Variants in RBFOX1 observed in about 807,000 individuals in gnomAD.
RBFOX1 encodes the protein RNA binding protein fox-1 homolog 1.
Under a neutral mutation model 57.7 loss-of-function variants are expected in RBFOX1, and 8 were observed. The observed-to-expected ratio is 0.14, with a 90% CI of 0.08 to 0.25. The LOEUF (loss-of-function observed/expected upper bound fraction) is 0.25, where lower values mean the gene tolerates loss of function less well. Ranked by LOEUF, RBFOX1 falls within the 10% of genes least tolerant of loss-of-function variation. The pLI, the probability that RBFOX1 is intolerant of heterozygous loss-of-function variation, is 1.00. For missense variants in RBFOX1, 611 were observed against 548.5 expected (o/e 1.11, Z -1.14); for synonymous variants, 326 against 222.4 (o/e 1.47, Z -4.15).
intron 1 of RBFOX1, among the ~76,000 whole-genome samples, chr16:5,360,235 C>G (rs2065506806): frequency 6.6e-6 from 1 of 152,206 alleles, no homozygotes; most frequent in South Asian, 2.1e-4. Context: ...CTGTGTGCTG[C>G]TGACATGTTG....
At chr16:7,546,118 G>T (rs534239015) in intron 5 of RBFOX1, among the ~76,000 whole-genome samples, 1 of 152,002 alleles carries the variant, frequency 6.6e-6, no homozygotes, top group African/African-American at 2.4e-5. Context: ...CCTGAGGTCA[G>T]GAGTTCGAGA....
chr16:5,856,511 C>T (rs1450398175), intron 3 of RBFOX1, among the ~76,000 whole-genome samples: 1 of 125,612 alleles, frequency 8.0e-6, no homozygotes, highest in Non-Finnish European at 1.6e-5. Flanking sequence ...TGCATTTTGA[C>T]CAACATCTCT....
intron 3 of RBFOX1, among the ~76,000 whole-genome samples, chr16:6,740,693 A>G (rs1044693020): frequency 2.0e-5 from 3 of 152,226 alleles, no homozygotes; most frequent in African/African-American, 7.2e-5. Context: ...TATGCTGAAA[A>G]TTATCAAATG....
intron 4 of RBFOX1, among the ~76,000 whole-genome samples, chr16:7,084,313 TTA>T (rs112242489): frequency 3.9e-4 from 59 of 152,020 alleles, no homozygotes; most frequent in African/African-American, 1.3e-3. Context: ...ACACACACAC[TTA>T]TATGTGAGGG....
chr16:5,763,394 G>C (rs1316838293), intron 3 of RBFOX1, among the ~76,000 whole-genome samples: 2 of 152,226 alleles, frequency 1.3e-5, no homozygotes, highest in Non-Finnish European at 2.9e-5. Flanking sequence ...ATGCAAACGT[G>C]TGTCCTCGGG....
intron 3 of RBFOX1, among the ~76,000 whole-genome samples, chr16:6,909,353 C>T (rs1394280069): frequency 6.6e-6 from 1 of 152,172 alleles, no homozygotes; most frequent in African/African-American, 2.4e-5. Context: ...TTTGTGATTA[C>T]TTTGGGTCCA....
At chr16:6,666,334 A>T (rs1180108856) in intron 3 of RBFOX1, among the ~76,000 whole-genome samples, 1 of 151,990 alleles carries the variant, frequency 6.6e-6, no homozygotes, top group East Asian at 1.9e-4. Context: ...AGGAGTTTGA[A>T]ACCAGCCTGG....
At chr16:7,298,845 G>A (rs1166408792) in intron 4 of RBFOX1, among the ~76,000 whole-genome samples, 1 of 152,178 alleles carries the variant, frequency 6.6e-6, no homozygotes, top group African/African-American at 2.4e-5. Context: ...AGGCTGAGGA[G>A]GAGGAGGAGG....
intron 4 of RBFOX1, among the ~76,000 whole-genome samples, chr16:7,435,611 G>GA (rs2098715410): frequency 6.6e-6 from 1 of 152,182 alleles, no homozygotes; most frequent in African/African-American, 2.4e-5. Context: ...CCATCAGGTG[G>GA]AAAATGCAAG....
intron 3 of RBFOX1, among the ~76,000 whole-genome samples, chr16:6,948,223 G>A (rs1301158209): frequency 6.6e-6 from 1 of 151,888 alleles, no homozygotes; most frequent in African/African-American, 2.4e-5. Flanking sequence ...CTTGAGCTGA[G>A]GCATTCAAGA....
In RBFOX1 at chr16:6,803,743, C is replaced by T. The variant is rs558086530; in HGVS notation, c.-16+149093C>T. Reference sequence around the variant, plus strand: ...TGGCTTATCTTGCTTAAGAGTAATTCTGAGAATCTATTACTTGTGAGAGAA... The same window carrying T: ...TGGCTTATCTTGCTTAAGAGTAATTTTGAGAATCTATTACTTGTGAGAGAA... On this transcript the variant is annotated intron_variant, in intron 3 of 15. Coordinates refer to ENST00000550418, the MANE Select transcript of RBFOX1 (RefSeq NM_018723.4). 2.0e-5 allele frequency among the ~76,000 whole-genome samples: 3 copies of T among 152,298 alleles called. No homozygotes were observed. In the South Asian group the frequency reaches 6.2e-4, roughly 32 times the overall value.
intron 4 of RBFOX1, among the ~76,000 whole-genome samples, chr16:7,099,842 T>G (rs1408511934): frequency 1.3e-5 from 2 of 152,156 alleles, no homozygotes; most frequent in African/African-American, 4.8e-5. Flanking sequence ...TATGGAGACC[T>G]AGGTTTTATC....
chr16:6,517,622 C>T (rs17140439), intron 2 of RBFOX1, among the ~76,000 whole-genome samples: 14,211 of 152,014 alleles, frequency 0.093, 2,013 homozygotes, highest in African/African-American at 0.3. Context: ...TGTTTAATCC[C>T]GTGACCATCA....
At chr16:5,339,159 G>C (rs2064972708) in intron 1 of RBFOX1, among the ~76,000 whole-genome samples, 1 of 152,048 alleles carries the variant, frequency 6.6e-6, no homozygotes, top group African/African-American at 2.4e-5. Context: ...CATCTCCCCA[G>C]TCCCCATAAA....
chr16:5,286,874 A>G (rs1347079433), intron 1 of RBFOX1, among the ~76,000 whole-genome samples: 2 of 152,258 alleles, frequency 1.3e-5, no homozygotes, highest in East Asian at 3.8e-4. Flanking sequence ...ACAAACAGTC[A>G]GAGGGCCAGA....
rs374885029 is a variant in RBFOX1, at chr16:7,683,327, G to GAGAC, written c.995+6503_995+6506dup. On this transcript the variant is annotated intron_variant, in intron 14 of 15. Transcript: ENST00000550418. ...AGTTTATAGAAATCACACACACACA[G>GAGAC]AGACAGACAGACAGACACACACACG... 1.0e-3 allele frequency among the ~76,000 whole-genome samples: 155 copies of GAGAC among 151,628 alleles called. 1 individual carries two copies. The highest frequency in any genetic ancestry group is 3.6e-3 in the African/African-American group (149 of 41,406).
At chr16:6,080,686 C>T (rs540243823) in intron 1 of RBFOX1, among the ~76,000 whole-genome samples, 1 of 152,260 alleles carries the variant, frequency 6.6e-6, no homozygotes, top group African/African-American at 2.4e-5. Flanking sequence ...GTACTCTTCT[C>T]TGAATGAATA....
At position 6,303,739 on chromosome 16, in the gene RBFOX1, G is replaced by A. The variant is rs551803159; in HGVS notation, c.-126-13256G>A. On this transcript the variant is annotated intron_variant, in intron 1 of 15. Transcript: ENST00000550418. ...GCCTGTAATCCCAGCACTTTGGGAG[G>A]CCGAGGAGGGTGGATCATGAGGTCA... Among the ~76,000 whole-genome samples the A allele has an allele frequency of 2.0e-5, 3 of 151,506 alleles. No homozygotes were observed. In the South Asian group the frequency reaches 6.3e-4, roughly 32 times the overall value.
intron 3 of RBFOX1, among the ~76,000 whole-genome samples, chr16:6,984,849 C>A (rs1019227545): frequency 8.5e-5 from 13 of 152,176 alleles, no homozygotes; most frequent in Non-Finnish European, 1.6e-4. Flanking sequence ...CCATATTGGT[C>A]AGGCTGGTCT....
Sources: allele counts gnomAD v4.1 joint callset (sites outside exome capture counted in the v4.1 genomes callset), GRCh38; gene constraint gnomAD v4.1.1; transcripts MANE v1.5; gene names NCBI Gene and HGNC (gene_info 2026-07-23, HGNC 2026-07-21).